Variants in DPP10 observed in about 807,000 individuals in gnomAD.
DPP10 encodes inactive dipeptidyl peptidase 10.
DPP10 carries 33 observed loss-of-function variants against 120.9 expected under a neutral mutation model. The observed-to-expected ratio is 0.27, with a 90% CI of 0.21 to 0.37. The LOEUF is 0.37. Among genes scored for constraint, DPP10 ranks in the 10% least tolerant of loss-of-function variants. DPP10 has a pLI of 1.00. For synonymous variants in DPP10, 337 were observed against 326.1 expected, an observed-to-expected ratio of 1.03 and a Z score of -0.36; for missense variants, 816 against 942.8, an observed-to-expected ratio of 0.87 and a Z score of 1.76.
At chr2:115,665,449 T>A (rs2089371449) in intron 5 of DPP10, among the ~76,000 whole-genome samples, 1 of 152,176 alleles carries the variant, frequency 6.6e-6, no homozygotes, top group Non-Finnish European at 1.5e-5. Flanking sequence ...GTGAAAAAAG[T>A]GTGCACCTTA....
intron 21 of DPP10, among the ~76,000 whole-genome samples, chr2:115,831,827 A>G (rs1306687164): frequency 6.6e-6 from 1 of 152,246 alleles, no homozygotes; most frequent in Non-Finnish European, 1.5e-5. Flanking sequence ...TTTTGTAAGT[A>G]ATGCTAAAAT....
intron 1 of DPP10, among the ~76,000 whole-genome samples, chr2:115,122,883 CA>C: frequency 6.6e-6 from 1 of 152,198 alleles, no homozygotes; most frequent in Non-Finnish European, 1.5e-5. Flanking sequence ...AGTCACTCAT[CA>C]GGGGGAGCTG....
At chr2:114,473,155 C>G (rs1034936781) in intron 1 of DPP10, among the ~76,000 whole-genome samples, 4 of 152,156 alleles carry the variant, frequency 2.6e-5, no homozygotes, top group African/African-American at 9.7e-5. Flanking sequence ...CTAGAATTCA[C>G]TACATATATA....
intron 5 of DPP10, among the ~76,000 whole-genome samples, chr2:115,595,740 C>G (rs926311416): frequency 6.6e-6 from 1 of 151,890 alleles, no homozygotes; most frequent in Non-Finnish European, 1.5e-5. Context: ...CCCCAATTTT[C>G]TATATCCGTT....
chr2:115,283,804 T>C (rs529549550), intron 1 of DPP10, among the ~76,000 whole-genome samples: 1 of 152,196 alleles, frequency 6.6e-6, no homozygotes, highest in Admixed American at 6.6e-5. Context: ...ATTACCATAC[T>C]TTTACTGTAC....
chr2:115,414,048 G>A (rs1410745988), intron 3 of DPP10, among the ~76,000 whole-genome samples: 2 of 152,086 alleles, frequency 1.3e-5, no homozygotes, highest in Non-Finnish European at 2.9e-5. Context: ...CTGAGGAAGA[G>A]CCTTTAGCTT....
chr2:115,812,099 A>G (rs1686708545), intron 19 of DPP10, among the ~76,000 whole-genome samples: 1 of 152,222 alleles, frequency 6.6e-6, no homozygotes, highest in Non-Finnish European at 1.5e-5. Context: ...ATTGGCCATC[A>G]TTATAGACAC....
chr2:115,546,317 G>C (rs749841381), intron 5 of DPP10, among the ~76,000 whole-genome samples: 55 of 152,192 alleles, frequency 3.6e-4, no homozygotes, highest in Admixed American at 5.9e-4. Context: ...GTATGTATAC[G>C]TAAGTGTATA....
chr2:114,625,629 A>C (rs913208492), intron 1 of DPP10, among the ~76,000 whole-genome samples: 1 of 152,024 alleles, frequency 6.6e-6, no homozygotes, highest in Admixed American at 6.6e-5. Flanking sequence ...TTGATACCTC[A>C]ATAGTCTCCA....
intron 3 of DPP10, among the ~76,000 whole-genome samples, chr2:115,380,607 G>A (rs1312488404): frequency 2.1e-4 from 30 of 145,328 alleles, no homozygotes; most frequent in East Asian, 4.0e-4. Context: ...GATGTTAGCT[G>A]GTTATTTTGC....
At chr2:114,625,388 G>A (rs942390358) in intron 1 of DPP10, among the ~76,000 whole-genome samples, 1 of 151,922 alleles carries the variant, frequency 6.6e-6, no homozygotes, top group Non-Finnish European at 1.5e-5. Flanking sequence ...AGGCTTTGCT[G>A]TGTATGTTTA....
At chr2:114,887,381 G>C (rs1436093458) in intron 1 of DPP10, among the ~76,000 whole-genome samples, 1 of 152,120 alleles carries the variant, frequency 6.6e-6, no homozygotes, top group African/African-American at 2.4e-5. Context: ...TGTCCTCTTT[G>C]AATATGTTCC....
At chr2:114,875,017 A>G (rs968392456) in intron 1 of DPP10, among the ~76,000 whole-genome samples, 2 of 152,150 alleles carry the variant, frequency 1.3e-5, no homozygotes, top group Non-Finnish European at 2.9e-5. Context: ...AACCAAAACA[A>G]AAACCTTATG....
At chr2:115,790,776 C>A (rs1165680508) in intron 17 of DPP10, among the ~76,000 whole-genome samples, 1 of 152,108 alleles carries the variant, frequency 6.6e-6, no homozygotes, top group African/African-American at 2.4e-5. Context: ...TATTGTGAAT[C>A]GCATCTCATT....
intron 5 of DPP10, among the ~76,000 whole-genome samples, chr2:115,572,306 T>A (rs1333515137): frequency 6.6e-6 from 1 of 151,992 alleles, no homozygotes; most frequent in Admixed American, 6.5e-5. Flanking sequence ...ACTTACGTCT[T>A]TTTTTCTTCT....
intron 1 of DPP10, among the ~76,000 whole-genome samples, chr2:115,203,526 C>T (rs1295178715): frequency 6.6e-6 from 1 of 152,044 alleles, no homozygotes; most frequent in Non-Finnish European, 1.5e-5. Flanking sequence ...CTAAATTGAT[C>T]AGAACTAAGG....
intron 5 of DPP10, among the ~76,000 whole-genome samples, chr2:115,573,794 A>C (rs1179644511): frequency 6.6e-6 from 1 of 151,908 alleles, no homozygotes; most frequent in Non-Finnish European, 1.5e-5. Context: ...TCCTCAACTG[A>C]TCTGCCCGCC....
chr2:115,605,849 A>C (rs1230372477), intron 5 of DPP10, among the ~76,000 whole-genome samples: 1 of 152,060 alleles, frequency 6.6e-6, no homozygotes. Flanking sequence ...ATGAATGCAA[A>C]GTATTATGCA....
intron 10 of DPP10, among the ~76,000 whole-genome samples, chr2:115,750,603 GAC>G (rs1678579238): frequency 6.6e-6 from 1 of 152,140 alleles, no homozygotes; most frequent in African/African-American, 2.4e-5. Flanking sequence ...TTTAAAAACA[GAC>G]ACAATAATCA....
Sources: gnomAD v4.1 joint callset for allele counts (sites outside exome capture counted in the v4.1 genomes callset) on GRCh38, gnomAD v4.1.1 for gene constraint, MANE v1.5 for transcripts, NCBI Gene and HGNC (gene_info 2026-07-23, HGNC 2026-07-21) for gene names.